The following SLC15A5 variants were observed in gnomAD, a reference collection of about 807,000 sequenced individuals.
SLC15A5 encodes the protein Peptide/histidine transporter ENSP00000340402.
SLC15A5 carries 58 observed loss-of-function variants against 56.1 expected under a neutral mutation model. The ratio of observed to expected loss-of-function variants is 1.03; its 90% CI spans 0.84 to 1.29. The LOEUF (loss-of-function observed/expected upper bound fraction) is 1.29, where lower values mean the gene tolerates loss of function less well. Among genes scored for constraint, SLC15A5 ranks in the 50% most tolerant of loss-of-function variants. The probability of loss-of-function intolerance (pLI) is 0.00; values close to 1 mark genes in which losing one functional copy is unlikely to be tolerated. For missense variants in SLC15A5, 681 were observed against 672.1 expected, an observed-to-expected ratio of 1.01 and a Z score of -0.15; for synonymous variants, 264 against 250.5, an observed-to-expected ratio of 1.05 and a Z score of -0.51.
chr12:16,240,588 C>G (rs553714552), intron 4 of SLC15A5, among the ~76,000 whole-genome samples: 1 of 152,132 alleles, frequency 6.6e-6, no homozygotes, highest in South Asian at 2.1e-4. Flanking sequence ...ACCCTGTGCT[C>G]CACCCCAAAT....
rs1864585865 is a variant in SLC15A5 at position 16,257,256 on chromosome 12, G to GA, written c.754+444dup. 2.0e-5 allele frequency among the ~76,000 whole-genome samples: 3 copies of GA among 152,118 alleles called. No individual in the cohort carries two copies. The South Asian group carries it at 6.2e-4, about 32-fold the overall frequency. On this transcript the variant is annotated intron_variant, in intron 3 of 8. Coordinates refer to ENST00000344941, the MANE Select transcript of SLC15A5 (RefSeq NM_001170798.1). Reference sequence around the variant, plus strand: ...TAAATATAACAAAATACAAGAATAAGAAATGCTATAATATTTAGTTTTTGC... The same window carrying GA: ...TAAATATAACAAAATACAAGAATAAGAAAATGCTATAATATTTAGTTTTTGC...
chr12:16,233,670 C>T (rs754682718), intron 5 of SLC15A5, among the ~76,000 whole-genome samples: 24 of 152,190 alleles, frequency 1.6e-4, no homozygotes, highest in Non-Finnish European at 3.1e-4. Context: ...TGCCTATACA[C>T]ATGCATGAAA....
intron 7 of SLC15A5, among the ~76,000 whole-genome samples, chr12:16,215,217 A>AC (rs1423428813): frequency 2.1e-5 from 3 of 144,450 alleles, no homozygotes; most frequent in African/African-American, 7.7e-5. Context: ...AAAAAAAAAA[A>AC]AAAAAAAAAA....
rs2417552 is a variant in SLC15A5 at position 16,259,901 on chromosome 12, C to A, written c.585-2031G>T. ...CTGTACCCAGCTGACACCACCCGGG[C>A]GGGGGGTAAGTTAGAGCACTTCCAG... On this transcript the variant is annotated intron_variant, in intron 2 of 8. Coordinates refer to ENST00000344941, the MANE Select transcript of SLC15A5 (RefSeq NM_001170798.1). 1.6e-3 allele frequency among the ~76,000 whole-genome samples: 242 copies of A among 148,804 alleles called. 5 individuals carry two copies. Among genetic ancestry groups the A allele is most frequent in the African/African-American group, 5.7e-3 (232 of 40,478 alleles).
chr12:16,224,768 T>C (rs1276777457), intron 5 of SLC15A5, among the ~76,000 whole-genome samples, 166 bp from the exon 6 acceptor site: 3 of 152,124 alleles, frequency 2.0e-5, no homozygotes, highest in African/African-American at 7.2e-5. Flanking sequence ...AGGGTACATG[T>C]GTACAATGTG....
intron 5 of SLC15A5, among the ~76,000 whole-genome samples, chr12:16,236,471 A>G (rs185128359): frequency 6.6e-6 from 1 of 152,298 alleles, no homozygotes; most frequent in East Asian, 1.9e-4. Context: ...ACCCTGACAT[A>G]TTTCTTGACC....
chr12:16,229,647 T>TACAC (rs71438372), intron 5 of SLC15A5, among the ~76,000 whole-genome samples: 50,618 of 144,122 alleles, frequency 0.35, 8,857 homozygotes, highest in East Asian at 0.47. Flanking sequence ...CACACACACA[T>TACAC]ACACACACAC....
intron 5 of SLC15A5, among the ~76,000 whole-genome samples, chr12:16,226,501 T>C (rs1864242506): frequency 6.6e-6 from 1 of 152,170 alleles, no homozygotes; most frequent in African/African-American, 2.4e-5. Context: ...AAATTATCTT[T>C]ATATATAGCT....
Position 16,189,618 on chromosome 12 carries a change from A to G in SLC15A5, c.*50T>C, listed in dbSNP as rs1592103637. The G allele has an allele frequency of 1.5e-6, 2 of 1,356,026 alleles. No homozygotes were observed. The highest frequency in any genetic ancestry group is 4.3e-5 in the South Asian group (2 of 46,698). The allele number at this position is 1,356,026 out of a possible 1,614,324, so 84.0% of individuals were successfully genotyped here. A position where few individuals can be genotyped will look rare whatever the true frequency, so the allele number is the denominator to read the frequency against. On this transcript the variant is annotated 3_prime_UTR_variant, in exon 9 of 9. Coordinates refer to ENST00000344941, the MANE Select transcript of SLC15A5 (RefSeq NM_001170798.1). Reference sequence around the variant, plus strand: ...AACACATAAAATGCTCAACTGAAGAAGAAAACAATGAATACTGTTCTCATA... The same window carrying G: ...AACACATAAAATGCTCAACTGAAGAGGAAAACAATGAATACTGTTCTCATA...
chr12:16,216,743 G>A, intron 7 of SLC15A5, 150 bp downstream of exon 7: 2 of 658,802 alleles, frequency 3.0e-6, no homozygotes, highest in Non-Finnish European at 4.9e-6. Context: ...TACAGCAAGA[G>A]TGTATTTCCT....
chr12:16,257,685 C>T lies in SLC15A5; in HGVS notation c.754+16G>A, dbSNP rs531496153. 8.2e-5 allele frequency: 117 copies of T among 1,428,442 alleles called. No individual in the cohort carries two copies. The highest frequency in any genetic ancestry group is 2.1e-4 in the Admixed American group (7 of 33,102). 88.5% of individuals were successfully genotyped at this position (1,428,442 alleles called of 1,614,324 possible). ...AATATAAACCCAGAAATCAATGTAA[C>T]GCATAATTTACTTACGTTTTTCTGA... On this transcript the variant is annotated intron_variant, in intron 3 of 8. Coordinates refer to ENST00000344941, the MANE Select transcript of SLC15A5 (RefSeq NM_001170798.1).
intron 3 of SLC15A5, among the ~76,000 whole-genome samples, chr12:16,256,449 C>A (rs10772916): frequency 0.45 from 68,467 of 152,118 alleles, 15,639 homozygotes; most frequent in South Asian, 0.61. Flanking sequence ...CTGCGAGTAT[C>A]TAGGTCTGTT....
intron 5 of SLC15A5, among the ~76,000 whole-genome samples, chr12:16,234,242 T>A (rs1864326141): frequency 6.6e-6 from 1 of 152,152 alleles, no homozygotes; most frequent in Non-Finnish European, 1.5e-5. Context: ...CACTGATGAC[T>A]CACTCTCCTC....
chr12:16,259,281 C>G (rs1864615591), intron 2 of SLC15A5, among the ~76,000 whole-genome samples: 1 of 151,258 alleles, frequency 6.6e-6, no homozygotes, highest in African/African-American at 2.4e-5. Context: ...CTCTCCTCTT[C>G]TCTCCCCTCC....
At chr12:16,261,330 T>A (rs1260556157) in intron 2 of SLC15A5, among the ~76,000 whole-genome samples, 1 of 152,196 alleles carries the variant, frequency 6.6e-6, no homozygotes, top group Non-Finnish European at 1.5e-5. Flanking sequence ...GAAAAAAGTA[T>A]TAAATTATCT....
chr12:16,234,015 A>C (rs1215068543), intron 5 of SLC15A5, among the ~76,000 whole-genome samples: 3 of 152,330 alleles, frequency 2.0e-5, no homozygotes, highest in Non-Finnish European at 2.9e-5. Flanking sequence ...AAAAAGTGTG[A>C]GACTGAGTAA....
At chr12:16,191,715 A>G (rs1376096150) in intron 8 of SLC15A5, among the ~76,000 whole-genome samples, 1 of 152,002 alleles carries the variant, frequency 6.6e-6, no homozygotes, top group African/African-American at 2.4e-5. Flanking sequence ...CAGGTTTCAT[A>G]CTGTGTCTTG....
chr12:16,240,889 G>A (rs1029358818), intron 4 of SLC15A5, among the ~76,000 whole-genome samples: 23 of 151,320 alleles, frequency 1.5e-4, no homozygotes, highest in Non-Finnish European at 3.4e-4. Flanking sequence ...CTCGGCTCAC[G>A]GCAAGCTCCA....
At chr12:16,241,831 T>G (rs1262124842) in intron 4 of SLC15A5, among the ~76,000 whole-genome samples, 1 of 44,828 alleles carries the variant, frequency 2.2e-5, no homozygotes, top group African/African-American at 9.5e-5. Context: ...AGAAATATGT[T>G]AACTTAATAA....
Sources: allele counts gnomAD v4.1 joint callset (sites outside exome capture counted in the v4.1 genomes callset), GRCh38; gene constraint gnomAD v4.1.1; transcripts MANE v1.5; gene names NCBI Gene and HGNC (gene_info 2026-07-23, HGNC 2026-07-21).